KDM5B: variants seen among roughly 807,000 people sequenced by gnomAD.
The protein encoded by KDM5B is lysine-specific demethylase 5B.
A neutral mutation model predicts 193.4 loss-of-function variants in KDM5B; 144 were observed. The observed-to-expected ratio is 0.74, with a 90% CI of 0.65 to 0.86. KDM5B has a LOEUF of 0.86. Among genes scored for constraint, KDM5B ranks in the 40% least tolerant of loss-of-function variants. The pLI is 0.00. For synonymous variants in KDM5B, 668 were observed against 682.6 expected (o/e 0.98, Z 0.33); for missense variants, 1,833 against 1,886.9 (o/e 0.97, Z 0.53).
At chr1:202,742,056 A>T (rs1320104095) in intron 18 of KDM5B, among the ~76,000 whole-genome samples, 1 of 151,002 alleles carries the variant, frequency 6.6e-6, no homozygotes, top group Non-Finnish European at 1.5e-5. Flanking sequence ...TTCTATTTTT[A>T]GTAGAGATGG....
intron 23 of KDM5B, 72 bp from the exon 24 acceptor site, chr1:202,732,011 T>C (rs1654903319): frequency 1.1e-6 from 1 of 923,478 alleles, no homozygotes. Flanking sequence ...CCAATGACAG[T>C]AGCTTGCATT....
At chr1:202,755,161 A>G (rs1655957030) in intron 11 of KDM5B, 110 bp downstream of exon 11, 2 of 763,620 alleles carry the variant, frequency 2.6e-6, no homozygotes, top group Admixed American at 5.0e-5. Context: ...CCTTAGGGAA[A>G]AAAGTAGTTC....
intron 1 of KDM5B, among the ~76,000 whole-genome samples, chr1:202,785,594 CTTTA>C (rs1231955823): frequency 1.3e-5 from 2 of 151,978 alleles, no homozygotes; most frequent in African/African-American, 4.8e-5. Flanking sequence ...ACAACATTTA[CTTTA>C]TTTAAGTAAA....
chr1:202,766,165 T>C (rs950952502), intron 5 of KDM5B, among the ~76,000 whole-genome samples: 5 of 152,106 alleles, frequency 3.3e-5, no homozygotes, highest in Admixed American at 2.0e-4. Context: ...CAGTAAGCTA[T>C]GATCATGCCA....
intron 1 of KDM5B, among the ~76,000 whole-genome samples, chr1:202,795,340 C>T (rs531317516): frequency 6.6e-6 from 1 of 152,104 alleles, no homozygotes; most frequent in African/African-American, 2.4e-5. Flanking sequence ...CCGTGGTTTT[C>T]CTTTCTGCAG....
Position 202,729,077 on chromosome 1 carries a change from A to C in KDM5B, c.4594T>G (p.Cys1532Gly). ...GCGTCCTTCACAGTACAGCGCACACAGATGTAGTCTTCTTTCTCTGCCATC... is the reference window on the plus strand; with the variant it reads ...GCGTCCTTCACAGTACAGCGCACACCGATGTAGTCTTCTTTCTCTGCCATC... ...PEMAEKEDYI[C>G]VRCTVKDAPS... The change falls in exon 27 of 27, where the codon TGT becomes GGT. Residue 1532 changes from cysteine to glycine, a missense_variant. Cys to Gly is a radical substitution (Grantham distance 159, BLOSUM62 -3). This residue lies in a region of KDM5B where 1,379 missense variants were observed against 1,349.6 expected (regional missense o/e 1.02). Coordinates refer to ENST00000367265, the MANE Select transcript of KDM5B (RefSeq NM_006618.5). 1 of 1,614,102 alleles carries C rather than the reference A, an allele frequency of 6.2e-7. No individual in the cohort carries two copies. Among genetic ancestry groups the C allele is most frequent in the Non-Finnish European group, 8.5e-7 (1 of 1,179,990 alleles).
chr1:202,798,372 C>CA (rs1419167334), intron 1 of KDM5B, among the ~76,000 whole-genome samples: 1 of 147,036 alleles, frequency 6.8e-6, no homozygotes, highest in African/African-American at 2.5e-5. Context: ...TGTGCTCAAG[C>CA]AATCCTCCCA....
In KDM5B at chr1:202,728,882, A is replaced by C. The variant is rs571478589; in HGVS notation, c.*154T>G. 4.8e-6 allele frequency: 4 copies of C among 838,276 alleles called. No individual in the cohort carries two copies. The East Asian group carries it at 1.0e-4, about 21-fold the overall frequency. 51.9% of individuals were successfully genotyped at this position (838,276 alleles called of 1,614,324 possible). A position where few individuals can be genotyped will look rare whatever the true frequency, so the allele number is the denominator to read the frequency against. On this transcript the variant is annotated 3_prime_UTR_variant, in exon 27 of 27. Coordinates refer to ENST00000367265, the MANE Select transcript of KDM5B (RefSeq NM_006618.5). ...TTTAGTTGTTTTTTCTTTTCTTCAA[A>C]GAGTCCTGGAAAAATGATCCCATAA...
intron 11 of KDM5B, among the ~76,000 whole-genome samples, chr1:202,754,633 T>C (rs1655937011): frequency 6.6e-6 from 1 of 152,242 alleles, no homozygotes. Flanking sequence ...CAAATGGGAT[T>C]TTCTATAGTA....
intron 7 of KDM5B, 99 bp downstream of exon 7, chr1:202,762,600 G>T: frequency 1.4e-6 from 1 of 720,770 alleles, no homozygotes; most frequent in South Asian, 1.6e-5. Flanking sequence ...CTTATTTAAG[G>T]TACAAATTTA....
intron 10 of KDM5B, among the ~76,000 whole-genome samples, chr1:202,755,686 G>A (rs1451463136): frequency 6.6e-6 from 1 of 151,852 alleles, no homozygotes; most frequent in Non-Finnish European, 1.5e-5. Flanking sequence ...TATATATAGA[G>A]GAACATAAGC....
chr1:202,784,936 A>G (rs1468447801), intron 1 of KDM5B, among the ~76,000 whole-genome samples: 1 of 151,320 alleles, frequency 6.6e-6, no homozygotes, highest in Non-Finnish European at 1.5e-5. Flanking sequence ...CAGGAGGTTG[A>G]GGCATGATAA....
rs1262798221 is a variant in KDM5B at position 202,762,772 on chromosome 1, A to G, written c.845T>C (p.Ile282Thr). 1 of 1,611,392 alleles carries G rather than the reference A, an allele frequency of 6.2e-7. No homozygotes were observed. The highest frequency in any genetic ancestry group is 8.5e-7 in the Non-Finnish European group (1 of 1,177,760). Residue 282 changes from isoleucine to threonine, a missense_variant, in exon 7 of 27, where the codon ATT becomes ACT. By Grantham distance (89) the Ile-to-Thr change is moderately conservative (BLOSUM62 -1). This residue lies in a region of KDM5B where 355 missense variants were observed against 374.9 expected (regional missense o/e 0.95). Coordinates refer to ENST00000367265, the MANE Select transcript of KDM5B (RefSeq NM_006618.5). ...TTCTACAATATAATCTTTCCTCTCA[A>G]TAGGTTCTTGCTTGATGCTACTCTT... ...EMKSSIKQEP[I>T]ERKDYIVENE...
In KDM5B at chr1:202,760,576, G is replaced by T. The variant is rs1188578177; in HGVS notation, c.919-3C>A. On this transcript the variant is annotated splice_polypyrimidine_tract_variant and splice_region_variant and intron_variant, in intron 7 of 26. Transcript: ENST00000367265. ...AAAAGACAGACATACAGGTCCACCTGTAGCAATAAAAGTGGGTACAGAACA... is the reference window on the plus strand; with the variant it reads ...AAAAGACAGACATACAGGTCCACCTTTAGCAATAAAAGTGGGTACAGAACA... 1.9e-6 allele frequency: 3 copies of T among 1,602,408 alleles called. No individual in the cohort carries two copies. Among genetic ancestry groups the T allele is most frequent in the Non-Finnish European group, 2.6e-6 (3 of 1,175,160 alleles).
chr1:202,767,575 T>C (rs1270974197), intron 4 of KDM5B, among the ~76,000 whole-genome samples: 2 of 152,178 alleles, frequency 1.3e-5, no homozygotes, highest in East Asian at 1.9e-4. Flanking sequence ...CACTGGATTT[T>C]TGTAAGGTAC....
intron 1 of KDM5B, among the ~76,000 whole-genome samples, chr1:202,781,800 T>C (rs1657207822): frequency 6.6e-6 from 1 of 152,214 alleles, no homozygotes; most frequent in African/African-American, 2.4e-5. Flanking sequence ...GAAGTAAATG[T>C]TCAAATATTT....
Position 202,726,265 on chromosome 1 carries a change from TG to T in KDM5B, c.*2770del. ...TTTTAACAACCTCCATCACCACAAG[TG>T]GCATCTCTCCTTTAGGTTAACTTAA... is the stretch of plus-strand genomic sequence containing the variant. On this transcript the variant is annotated 3_prime_UTR_variant, in exon 27 of 27. Coordinates refer to ENST00000367265, the MANE Select transcript of KDM5B (RefSeq NM_006618.5). 6.6e-6 allele frequency: 1 copy of T among 152,192 alleles called. No individual in the cohort carries two copies. The highest frequency in any genetic ancestry group is 1.5e-5 in the Non-Finnish European group (1 of 68,032). The allele number at this position is 152,192 out of a possible 1,614,324, so 9.4% of individuals were successfully genotyped here. A position where few individuals can be genotyped will look rare whatever the true frequency, so the allele number is the denominator to read the frequency against.
rs892765477 is a variant in KDM5B, at chr1:202,728,933, G to C, written c.*103C>G. ...GGAATAGAAATAGCACCGTTTACAG[G>C]CTGGCTTGAGTACCAGTCCTGTAGC... On this transcript the variant is annotated 3_prime_UTR_variant, in exon 27 of 27. Transcript: ENST00000367265. The C allele has an allele frequency of 7.4e-7, 1 of 1,342,526 alleles. No individual in the cohort carries two copies. The highest frequency in any genetic ancestry group is 1.1e-6 in the Non-Finnish European group (1 of 948,676). The allele number at this position is 1,342,526 out of a possible 1,614,324, so 83.2% of individuals were successfully genotyped here.
chr1:202,804,027 A>G (rs1332572589), intron 1 of KDM5B, among the ~76,000 whole-genome samples: 1 of 151,948 alleles, frequency 6.6e-6, no homozygotes, highest in African/African-American at 2.4e-5. Context: ...GCACATGTGT[A>G]CATATGTAAC....
Sources: gnomAD v4.1 joint callset for allele counts (sites outside exome capture counted in the v4.1 genomes callset) on GRCh38, gnomAD v4.1.1 for gene constraint, gnomAD v4.1.1 regional missense constraint, MANE v1.5 for transcripts, NCBI Gene and HGNC (gene_info 2026-07-23, HGNC 2026-07-21) for gene names.